The following STK24 variants were observed in gnomAD, a reference collection of about 807,000 sequenced individuals.
STK24 encodes the protein serine/threonine-protein kinase 24.
Under a neutral mutation model 55.6 loss-of-function variants are expected in STK24, and 21 were observed. The ratio of observed to expected loss-of-function variants is 0.38; its 90% CI spans 0.27 to 0.54. The LOEUF (loss-of-function observed/expected upper bound fraction) is 0.54, where lower values mean the gene tolerates loss of function less well. STK24 is among the 20% of genes least tolerant of loss of function. The pLI, the probability that STK24 is intolerant of heterozygous loss-of-function variation, is 0.79. For synonymous variants in STK24, 200 were observed against 215.2 expected, an observed-to-expected ratio of 0.93 and a Z score of 0.62; for missense variants, 383 against 538.4, an observed-to-expected ratio of 0.71 and a Z score of 2.86.
chr13:98,576,752 C>A lies in STK24; in HGVS notation c.35G>T (p.Gly12Val), dbSNP rs1298698009. 1 of 1,457,528 alleles carries A rather than the reference C, an allele frequency of 6.9e-7. No homozygotes were observed. Among genetic ancestry groups the A allele is most frequent in the Non-Finnish European group, 9.0e-7 (1 of 1,108,918 alleles). The allele number at this position is 1,457,528 out of a possible 1,614,324, so 90.3% of individuals were successfully genotyped here. The change falls in exon 1 of 11, where the codon GGC (glycine) becomes GTC (valine). Residue 12 changes from glycine (G) to valine (V), a missense_variant. Transcript: ENST00000539966. ...AHSPVQSGLP[G>V]MQNLKADPEE... is the part of the protein sequence containing the mutation. ...CGGCCCGCGCCCGCCTACCTGCATG[C>A]CGGGCAGGCCCGACTGCACCGGGGA...
intron 1 of STK24, among the ~76,000 whole-genome samples, chr13:98,527,992 C>T (rs576829351): frequency 1.3e-5 from 2 of 152,272 alleles, no homozygotes; most frequent in East Asian, 1.9e-4. Flanking sequence ...GCTCTGGGGG[C>T]GATGGTCTCC....
intron 1 of STK24, among the ~76,000 whole-genome samples, chr13:98,541,642 T>C (rs982565644): frequency 5.3e-5 from 8 of 152,232 alleles, no homozygotes; most frequent in African/African-American, 1.9e-4. Flanking sequence ...ATGCTGTCCC[T>C]ACAGAATTAA....
intron 2 of STK24, among the ~76,000 whole-genome samples, chr13:98,492,989 TTTAA>T (rs1895100500): frequency 6.6e-6 from 1 of 152,240 alleles, no homozygotes; most frequent in African/African-American, 2.4e-5. Flanking sequence ...GTTCTTAACA[TTTAA>T]TTTTTAACTG....
At chr13:98,500,586 A>G (rs971427602) in intron 2 of STK24, among the ~76,000 whole-genome samples, 2 of 152,062 alleles carry the variant, frequency 1.3e-5, no homozygotes, top group East Asian at 1.9e-4. Flanking sequence ...TGGGACTCCT[A>G]TGGAAACGCT....
At chr13:98,490,451 G>GA (rs1894977318) in intron 2 of STK24, among the ~76,000 whole-genome samples, 1 of 152,098 alleles carries the variant, frequency 6.6e-6, no homozygotes, top group South Asian at 2.1e-4. Flanking sequence ...ATATTCACCG[G>GA]AAAACATTAC....
chr13:98,470,629 G>C (rs1294031403), intron 5 of STK24, among the ~76,000 whole-genome samples: 2 of 152,172 alleles, frequency 1.3e-5, no homozygotes, highest in Non-Finnish European at 1.5e-5. Flanking sequence ...AACTGCGAAC[G>C]AATCTTCTCC....
intron 1 of STK24, among the ~76,000 whole-genome samples, chr13:98,569,413 C>CA (rs11316359): frequency 0.093 from 11,864 of 126,908 alleles, 516 homozygotes; most frequent in African/African-American, 0.14. Flanking sequence ...ACAGCAGAGA[C>CA]AAAAAAAAAA....
At chr13:98,527,746 C>G (rs1282237321) in intron 1 of STK24, among the ~76,000 whole-genome samples, 1 of 152,162 alleles carries the variant, frequency 6.6e-6, no homozygotes, top group African/African-American at 2.4e-5. Context: ...GGGCCCAGCA[C>G]TGCCTCACCA....
At chr13:98,555,659 C>G (rs1390953236) in intron 1 of STK24, among the ~76,000 whole-genome samples, 1 of 151,458 alleles carries the variant, frequency 6.6e-6, no homozygotes, top group Non-Finnish European at 1.5e-5. Context: ...TAAAAACGTC[C>G]TACACATATC....
At chr13:98,461,078 A>G (rs75821999) in intron 8 of STK24, among the ~76,000 whole-genome samples, 2 of 146,448 alleles carry the variant, frequency 1.4e-5, no homozygotes, top group Non-Finnish European at 3.1e-5. Flanking sequence ...GAGAGAGAGA[A>G]AAGTACTTTA....
intron 6 of STK24, among the ~76,000 whole-genome samples, chr13:98,465,435 C>T (rs1342371725): frequency 6.6e-6 from 1 of 152,218 alleles, no homozygotes; most frequent in Non-Finnish European, 1.5e-5. Context: ...CTGCACACAT[C>T]TCCACTGGTG....
intron 2 of STK24, among the ~76,000 whole-genome samples, chr13:98,484,839 C>G (rs999127957): frequency 6.6e-5 from 10 of 152,208 alleles, no homozygotes; most frequent in South Asian, 2.1e-4. Context: ...CGCCTCCTTC[C>G]TGGAGAGGAA....
chr13:98,538,143 A>C (rs61971164), intron 1 of STK24, among the ~76,000 whole-genome samples: 26,571 of 151,612 alleles, frequency 0.18, 2,709 homozygotes, highest in Non-Finnish European at 0.23. Flanking sequence ...TTCCTTCCCA[A>C]GAACCATGCT....
Position 98,451,214 on chromosome 13 carries a change from G to T in STK24, c.*1959C>A, listed in dbSNP as rs1023746588. The T allele has an allele frequency of 6.6e-6, 1 of 152,112 alleles. No individual in the cohort carries two copies. Among genetic ancestry groups the T allele is most frequent in the Non-Finnish European group, 1.5e-5 (1 of 68,024 alleles). 9.4% of individuals were successfully genotyped at this position (152,112 alleles called of 1,614,324 possible). The stretch of plus-strand genomic sequence containing the variant: ...CCGCCCTGGCTCACTTAAAAATCAG[G>T]TAACGGCACACCCTGGGGAACACAG... On this transcript the variant is annotated 3_prime_UTR_variant, in exon 11 of 11. Transcript: ENST00000539966.
At chr13:98,523,427 T>C (rs1348297003) in intron 1 of STK24, among the ~76,000 whole-genome samples, 1 of 152,208 alleles carries the variant, frequency 6.6e-6, no homozygotes, top group Non-Finnish European at 1.5e-5. Context: ...TGAATGTGAC[T>C]TGGGCACTCC....
At chr13:98,539,680 G>A (rs1230925226) in intron 1 of STK24, among the ~76,000 whole-genome samples, 1 of 152,128 alleles carries the variant, frequency 6.6e-6, no homozygotes, top group African/African-American at 2.4e-5. Flanking sequence ...ACTTTTTACT[G>A]CTTTGTATTA....
rs1195933127 is a variant in STK24 at position 98,477,464 on chromosome 13, G to A, written c.331-2106C>T. Among the ~76,000 whole-genome samples the A allele has an allele frequency of 5.9e-5, 9 of 152,094 alleles. No homozygotes were observed. In the East Asian group the frequency reaches 1.7e-3, roughly 29 times the overall value. On this transcript the variant is annotated intron_variant, in intron 3 of 10. Transcript: ENST00000539966. ...AGGCGGGTGGATCACCTTGAGGTCGGGAGTTCGAGACCAGCCTGGCCAACA... is the reference window on the plus strand; with the variant it reads ...AGGCGGGTGGATCACCTTGAGGTCGAGAGTTCGAGACCAGCCTGGCCAACA...
rs536119027 is a variant in STK24 at position 98,448,918 on chromosome 13, C to T, written c.*4255G>A. On this transcript the variant is annotated 3_prime_UTR_variant, in exon 11 of 11. Transcript: ENST00000539966. ...GTTCCACTGCGGGGTTTCACGCTCA[C>T]CTGAAAACACCTGTTCCCAACCTAC... The T allele has an allele frequency of 6.6e-6, 1 of 152,200 alleles. No individual in the cohort carries two copies. The highest frequency in any genetic ancestry group is 1.5e-5 in the Non-Finnish European group (1 of 68,070). The allele number at this position is 152,200 out of a possible 1,614,324, so 9.4% of individuals were successfully genotyped here.
intron 1 of STK24, among the ~76,000 whole-genome samples, chr13:98,539,725 C>T (rs966848722): frequency 2.1e-4 from 32 of 152,242 alleles, no homozygotes; most frequent in African/African-American, 7.0e-4. Flanking sequence ...ACATTACAAA[C>T]GGCTGGAGGG....
Sources: gnomAD v4.1 joint callset for allele counts (sites outside exome capture counted in the v4.1 genomes callset) on GRCh38, gnomAD v4.1.1 for gene constraint, MANE v1.5 for transcripts, NCBI Gene and HGNC (gene_info 2026-07-23, HGNC 2026-07-21) for gene names.